ZNF138: variants seen among roughly 807,000 people sequenced by gnomAD.
ZNF138 encodes the protein zinc finger protein 138, also known as zinc finger protein 138 (clone pHZ-32).
Under a neutral mutation model 33.0 loss-of-function variants are expected in ZNF138, and 33 were observed. That is an observed-to-expected ratio of 1.00 (90% CI 0.76 to 1.34). The LOEUF is 1.34. Ranked by LOEUF, ZNF138 falls within the 40% of genes most tolerant of loss-of-function variation. The probability of loss-of-function intolerance (pLI) is 0.00; values close to 1 mark genes in which losing one functional copy is unlikely to be tolerated. For missense variants in ZNF138, 360 were observed against 370.8 expected, an observed-to-expected ratio of 0.97 and a Z score of 0.24; for synonymous variants, 139 against 120.4, an observed-to-expected ratio of 1.15 and a Z score of -1.01.
chr7:64,855,931 A>G, the ZNF138 span, among the ~76,000 whole-genome samples: 4 of 6,118 alleles, frequency 6.5e-4, no homozygotes, highest in Admixed American at 3.3e-3. Flanking sequence ...CCCGGCCGCC[A>G]CCCCATCTGG....
At chr7:64,796,656 G>A (rs1786710200) in intron 1 of ZNF138, among the ~76,000 whole-genome samples, 1 of 152,142 alleles carries the variant, frequency 6.6e-6, no homozygotes, top group African/African-American at 2.4e-5. Flanking sequence ...TTATGGCTGG[G>A]TGATGTCCAA....
At chr7:64,804,224 C>T (rs964707918) in intron 1 of ZNF138, among the ~76,000 whole-genome samples, 1 of 152,174 alleles carries the variant, frequency 6.6e-6, no homozygotes, top group African/African-American at 2.4e-5. Flanking sequence ...GACCCCTGAC[C>T]TAATTGGCTA....
intron 1 of ZNF138, among the ~76,000 whole-genome samples, chr7:64,800,588 A>G (rs1787060573): frequency 1.3e-5 from 2 of 152,192 alleles, no homozygotes; most frequent in African/African-American, 4.8e-5. Context: ...TTAATTTGCC[A>G]GTATTTTATT....
At chr7:64,825,388 G>A (rs934727656) in intron 3 of ZNF138, among the ~76,000 whole-genome samples, 1 of 151,030 alleles carries the variant, frequency 6.6e-6, no homozygotes, top group Non-Finnish European at 1.5e-5. Flanking sequence ...TAGCCAGGAT[G>A]GTCTGGATTT....
At chr7:64,830,704 A>ATTGTAATCT (rs1790011601) in intron 3 of ZNF138, among the ~76,000 whole-genome samples, 1 of 152,078 alleles carries the variant, frequency 6.6e-6, no homozygotes, top group African/African-American at 2.4e-5. Context: ...TTTTGTATAC[A>ATTGTAATCT]TTGTAATCTT....
At chr7:64,830,992 T>C (rs1468449883) in intron 3 of ZNF138, 1 of 1,551,750 alleles carries the variant, frequency 6.4e-7, no homozygotes. Context: ...CATTCCAAAG[T>C]ATCCTGCCAT....
intron 1 of ZNF138, among the ~76,000 whole-genome samples, chr7:64,800,965 GC>G (rs1428483238): frequency 5.3e-5 from 8 of 152,106 alleles, no homozygotes; most frequent in Admixed American, 3.9e-4. Flanking sequence ...TAGTTTGTGT[GC>G]ATGGAAGTGT....
At chr7:64,814,318 C>CACA (rs1788435883) in intron 1 of ZNF138, among the ~76,000 whole-genome samples, 1 of 150,142 alleles carries the variant, frequency 6.7e-6, no homozygotes, top group African/African-American at 2.5e-5. Flanking sequence ...CTGTATGATG[C>CACA]ACATATAGCA....
intron 1 of ZNF138, among the ~76,000 whole-genome samples, chr7:64,813,273 T>C (rs1490227978): frequency 6.6e-6 from 1 of 152,078 alleles, no homozygotes; most frequent in Non-Finnish European, 1.5e-5. Flanking sequence ...ACAGGATTAA[T>C]AAAATGCTGT....
rs1790209042 is a variant in ZNF138 at position 64,832,899 on chromosome 7, C to T, written c.*697C>T. ...ACAACTTGCTATACATAAGATGATT[C>T]ACACTTGAATGAAACCCTACAAATG... On this transcript the variant is annotated 3_prime_UTR_variant, in exon 4 of 4. Transcript: ENST00000307355. The T allele has an allele frequency of 2.6e-6, 1 of 385,716 alleles. No homozygotes were observed. The highest frequency in any genetic ancestry group is 5.2e-6 in the Non-Finnish European group (1 of 191,108). The allele number at this position is 385,716 out of a possible 1,614,324, so 23.9% of individuals were successfully genotyped here.
At chr7:64,830,896 TAGTC>T (rs1188176022) in intron 3 of ZNF138, 3 of 1,509,544 alleles carry the variant, frequency 2.0e-6, no homozygotes, top group Admixed American at 4.9e-5. Context: ...TTCATCTTAA[TAGTC>T]AGTAGTCACT....
At chr7:64,828,109 G>C (rs1339326734) in intron 3 of ZNF138, among the ~76,000 whole-genome samples, 1 of 151,616 alleles carries the variant, frequency 6.6e-6, no homozygotes, top group African/African-American at 2.4e-5. Flanking sequence ...ATTTATTTGT[G>C]AACCTATATT....
At chr7:64,831,110 A>G (rs933414111) in intron 3 of ZNF138, 3 of 1,549,528 alleles carry the variant, frequency 1.9e-6, no homozygotes, top group Admixed American at 4.0e-5. Context: ...CTTTTGAAAA[A>G]GAAACCAAGA....
chr7:64,814,772 A>G (rs1788469914), intron 1 of ZNF138, 146 bp from the exon 2 acceptor site: 2 of 1,085,352 alleles, frequency 1.8e-6, no homozygotes, highest in African/African-American at 3.2e-5. Context: ...CAAAAAAAAA[A>G]AATTATTTTA....
At chr7:64,852,534 C>T in the ZNF138 span, 2 of 1,573,576 alleles carry the variant, frequency 1.3e-6, no homozygotes, top group African/African-American at 2.7e-5. Context: ...TGGTGGTCTT[C>T]ACCATATTTG....
At chr7:64,806,317 C>A (rs1172339837) in intron 1 of ZNF138, among the ~76,000 whole-genome samples, 1 of 152,162 alleles carries the variant, frequency 6.6e-6, no homozygotes, top group Admixed American at 6.5e-5. Context: ...TTTCTAAATA[C>A]TTCATAGGAC....
intron 1 of ZNF138, among the ~76,000 whole-genome samples, chr7:64,810,244 T>C (rs1399801946): frequency 6.7e-6 from 1 of 149,902 alleles, no homozygotes; most frequent in Admixed American, 6.7e-5. Context: ...TCACTTGCGG[T>C]TAGGGGCTGG....
intron 1 of ZNF138, among the ~76,000 whole-genome samples, chr7:64,797,387 A>G (rs1417518158): frequency 6.6e-6 from 1 of 152,190 alleles, no homozygotes; most frequent in Admixed American, 6.5e-5. Context: ...CTTCCCTTAT[A>G]TAAACACTGT....
intron 1 of ZNF138, among the ~76,000 whole-genome samples, chr7:64,801,976 C>T (rs1787170078): frequency 6.6e-6 from 1 of 152,134 alleles, no homozygotes; most frequent in Non-Finnish European, 1.5e-5. Context: ...GAGATTTATT[C>T]TGAGCCAAAT....
Sources: allele counts gnomAD v4.1 joint callset (sites outside exome capture counted in the v4.1 genomes callset), GRCh38; gene constraint gnomAD v4.1.1; transcripts MANE v1.5; gene names NCBI Gene and HGNC (gene_info 2026-07-23, HGNC 2026-07-21).